Variants in STK32B observed in about 807,000 individuals in gnomAD.
STK32B encodes the protein serine/threonine-protein kinase 32B.
In STK32B, 43 loss-of-function variants were observed where a neutral mutation model predicts 52.6. The observed-to-expected ratio is 0.82, with a 90% CI of 0.64 to 1.05. The LOEUF (loss-of-function observed/expected upper bound fraction) is 1.05. Ranked by LOEUF, STK32B falls within the 50% of genes least tolerant of loss-of-function variation. The pLI is 0.00. For missense variants in STK32B, 621 were observed against 534.6 expected (o/e 1.16, Z -1.59); for synonymous variants, 238 against 204.3 (o/e 1.17, Z -1.41).
chr4:5,130,775 T>TC (rs1715722941), intron 1 of STK32B, among the ~76,000 whole-genome samples: 1 of 152,090 alleles, frequency 6.6e-6, no homozygotes, highest in Non-Finnish European at 1.5e-5. Flanking sequence ...GGTTAATCCT[T>TC]CCTCCACCCT....
At chr4:5,273,842 T>TGG (rs1419807429) in intron 3 of STK32B, among the ~76,000 whole-genome samples, 2 of 85,632 alleles carry the variant, frequency 2.3e-5, no homozygotes, top group Non-Finnish European at 4.4e-5. Context: ...GGGACTGTGG[T>TGG]GGGTGGGGGG....
intron 11 of STK32B, among the ~76,000 whole-genome samples, chr4:5,498,004 T>G (rs996340262): frequency 6.6e-6 from 1 of 152,156 alleles, no homozygotes. Flanking sequence ...TTACATGTAT[T>G]CTCTATGATC....
intron 3 of STK32B, among the ~76,000 whole-genome samples, chr4:5,186,873 G>A (rs563106547): frequency 6.6e-6 from 1 of 152,316 alleles, no homozygotes; most frequent in East Asian, 1.9e-4. Flanking sequence ...GGTGTGTAAT[G>A]TTTTCTTTGT....
At chr4:5,285,704 C>G (rs186181425) in intron 3 of STK32B, among the ~76,000 whole-genome samples, 96 of 152,222 alleles carry the variant, frequency 6.3e-4, no homozygotes, top group Admixed American at 1.2e-3. Context: ...AGATTTTTAA[C>G]TCACCTCCCT....
intron 3 of STK32B, among the ~76,000 whole-genome samples, chr4:5,209,185 C>T (rs371319186): frequency 2.6e-5 from 4 of 152,242 alleles, no homozygotes; most frequent in African/African-American, 9.6e-5. Context: ...GGAGAGATAT[C>T]GGAAGACTTA....
intron 4 of STK32B, among the ~76,000 whole-genome samples, chr4:5,344,723 G>T: frequency 6.7e-6 from 1 of 149,772 alleles, no homozygotes; most frequent in African/African-American, 2.5e-5. Flanking sequence ...ATCATTAAGA[G>T]CAGTAATAGA....
rs1176844727 is a variant in STK32B, at chr4:5,455,857, G to A, written c.667-950G>A. Among the ~76,000 whole-genome samples, 3 of 152,164 alleles carry A rather than the reference G, an allele frequency of 2.0e-5. No homozygotes were observed. In the South Asian group the frequency reaches 6.2e-4, roughly 32 times the overall value. On this transcript the variant is annotated intron_variant, in intron 7 of 11. Transcript: ENST00000282908. The stretch of plus-strand genomic sequence containing the variant: ...CTAATTTTACTGGCACATATTAATG[G>A]CAGTCAACTTCATATGGGTTAATCA...
At chr4:5,333,984 TTAAAG>T (rs1481168162) in intron 4 of STK32B, among the ~76,000 whole-genome samples, 1 of 152,222 alleles carries the variant, frequency 6.6e-6, no homozygotes, top group African/African-American at 2.4e-5. Context: ...CATATGAACT[TTAAAG>T]TAGTTTTTTT....
chr4:5,398,055 C>T lies in STK32B; in HGVS notation c.435-152C>T. 1 of 710,238 alleles carries T rather than the reference C, an allele frequency of 1.4e-6. No individual in the cohort carries two copies. The highest frequency in any genetic ancestry group is 1.9e-5 in the South Asian group (1 of 52,856). The allele number at this position is 710,238 out of a possible 1,614,324, so 44.0% of individuals were successfully genotyped here. A position where few individuals can be genotyped will look rare whatever the true frequency, so the allele number is the denominator to read the frequency against. ...AGAACACAGGTGTCCCATTATCTTA[C>T]CAATTATTCTCCCACTCCATGTCTG... On this transcript the variant is annotated intron_variant, in intron 4 of 11. Coordinates refer to ENST00000282908, the MANE Select transcript of STK32B (RefSeq NM_018401.3). The surrounding 1 kb of genome is among the most constrained non-coding windows in gnomAD (Gnocchi z 4.9).
intron 3 of STK32B, among the ~76,000 whole-genome samples, chr4:5,305,907 A>G (rs914540153): frequency 6.6e-5 from 10 of 152,052 alleles, no homozygotes; most frequent in African/African-American, 2.4e-4. Context: ...TTGTATCACT[A>G]TTATTGTTCA....
At chr4:5,332,024 G>T (rs552738682) in intron 4 of STK32B, among the ~76,000 whole-genome samples, 1 of 152,320 alleles carries the variant, frequency 6.6e-6, no homozygotes, top group Admixed American at 6.5e-5. Flanking sequence ...AGAGGCAGCT[G>T]GTGTGAGAGG....
chr4:5,324,924 C>G (rs1472568911), intron 3 of STK32B, among the ~76,000 whole-genome samples: 1 of 152,190 alleles, frequency 6.6e-6, no homozygotes, highest in Non-Finnish European at 1.5e-5. Flanking sequence ...CCACTAAATC[C>G]TTGGCTTCTT....
At chr4:5,462,218 C>CT (rs1717082836) in intron 9 of STK32B, among the ~76,000 whole-genome samples, 1 of 151,514 alleles carries the variant, frequency 6.6e-6, no homozygotes, top group African/African-American at 2.4e-5. Flanking sequence ...GCCTATATGT[C>CT]TATGTGTGCC....
At chr4:5,029,620 G>C in the STK32B span, among the ~76,000 whole-genome samples, 2 of 152,130 alleles carry the variant, frequency 1.3e-5, no homozygotes, top group Non-Finnish European at 2.9e-5. Context: ...CCTGGAAGCC[G>C]GTCCTCCCCG....
intron 1 of STK32B, among the ~76,000 whole-genome samples, chr4:5,115,999 A>G (rs1021703636): frequency 6.6e-6 from 1 of 152,176 alleles, no homozygotes; most frequent in African/African-American, 2.4e-5. Context: ...CAGGACTGCT[A>G]GTAACCTTAA....
intron 6 of STK32B, among the ~76,000 whole-genome samples, chr4:5,444,502 G>A (rs943113956): frequency 2.0e-5 from 3 of 152,180 alleles, no homozygotes; most frequent in Admixed American, 6.5e-5. Context: ...CCCACTGTCT[G>A]GCACTCCCTA....
chr4:5,330,506 T>G (rs923558762), intron 3 of STK32B, among the ~76,000 whole-genome samples: 1 of 152,202 alleles, frequency 6.6e-6, no homozygotes, highest in African/African-American at 2.4e-5. Context: ...TCTCATGTTC[T>G]GTGGGGTAAC....
At chr4:5,186,290 T>G (rs886818185) in intron 3 of STK32B, among the ~76,000 whole-genome samples, 3 of 152,148 alleles carry the variant, frequency 2.0e-5, no homozygotes, top group Non-Finnish European at 4.4e-5. Context: ...TGCTGGGGTG[T>G]GTGTTTCCTC....
At chr4:5,434,867 A>G (rs774466282) in intron 6 of STK32B, among the ~76,000 whole-genome samples, 1 of 152,192 alleles carries the variant, frequency 6.6e-6, no homozygotes, top group Non-Finnish European at 1.5e-5. Context: ...TAAGATCGCA[A>G]CTATTGGCAT....
Sources: allele counts gnomAD v4.1 joint callset (sites outside exome capture counted in the v4.1 genomes callset), GRCh38; gene constraint gnomAD v4.1.1; non-coding constraint Gnocchi (gnomAD v3.1); transcripts MANE v1.5; gene names NCBI Gene and HGNC (gene_info 2026-07-23, HGNC 2026-07-21).